The following PLEKHA6 variants were observed in gnomAD, a reference collection of about 807,000 sequenced individuals.
PLEKHA6 encodes pleckstrin homology domain-containing family A member 6.
PLEKHA6 carries 60 observed loss-of-function variants against 116.7 expected under a neutral mutation model. That is an observed-to-expected ratio of 0.51 (90% CI 0.42 to 0.64). The LOEUF is 0.64. Among genes scored for constraint, PLEKHA6 ranks in the 30% least tolerant of loss-of-function variants. The pLI is 0.00. For missense variants in PLEKHA6, 1,338 were observed against 1,422.7 expected, an observed-to-expected ratio of 0.94 and a Z score of 0.96; for synonymous variants, 489 against 556.1, an observed-to-expected ratio of 0.88 and a Z score of 1.70.
rs1393739565 is a variant in PLEKHA6, at chr1:204,219,877, G to A, written c.*2911C>T. ...AGGTTGAGATGCCACCTTGTCTGTA[G>A]GACCCTCCTTGGCCCAGAGGCTGAT... On this transcript the variant is annotated 3_prime_UTR_variant, in exon 23 of 23. Coordinates refer to ENST00000272203, the MANE Select transcript of PLEKHA6 (RefSeq NM_014935.5). 6.6e-6 allele frequency: 1 copy of A among 152,260 alleles called. No homozygotes were observed. The highest frequency in any genetic ancestry group is 1.5e-5 in the Non-Finnish European group (1 of 68,094). 9.4% of individuals were successfully genotyped at this position (152,260 alleles called of 1,614,324 possible). A position where few individuals can be genotyped will look rare whatever the true frequency, so the allele number is the denominator to read the frequency against.
At chr1:204,318,469 G>A (rs951237734) in intron 1 of PLEKHA6, among the ~76,000 whole-genome samples, 16 of 152,314 alleles carry the variant, frequency 1.1e-4, no homozygotes, top group Admixed American at 5.9e-4. Flanking sequence ...GGACTACAGC[G>A]TCTGTTTCAC....
chr1:204,343,856 C>T lies in PLEKHA6; in HGVS notation c.-95+15838G>A, dbSNP rs541360309. Among the ~76,000 whole-genome samples, 84 of 152,290 alleles carry T rather than the reference C, an allele frequency of 5.5e-4. 1 individual carries two copies. In the South Asian group the frequency reaches 0.016, roughly 29 times the overall value. On this transcript the variant is annotated intron_variant, in intron 1 of 22. Coordinates refer to ENST00000272203, the MANE Select transcript of PLEKHA6 (RefSeq NM_014935.5). ...TCAAGGCTGAGATTCTCAGTCCCTCCCCTATCCTGGTCATTCCATCTGGAA... is the reference window on the plus strand; with the variant it reads ...TCAAGGCTGAGATTCTCAGTCCCTCTCCTATCCTGGTCATTCCATCTGGAA...
chr1:204,340,572 C>T (rs1334621483), intron 1 of PLEKHA6, among the ~76,000 whole-genome samples: 3 of 152,192 alleles, frequency 2.0e-5, no homozygotes, highest in Non-Finnish European at 4.4e-5. Flanking sequence ...AAGGTAGAAG[C>T]TGGTCTTGCC....
In PLEKHA6 at chr1:204,261,281, C is replaced by T; in HGVS notation, c.524+25G>A. ...TCCCCTCTTTATTCTTCCTGCACCC[C>T]CACACTCAATTCCCTGGCACTCACC... On this transcript the variant is annotated intron_variant, in intron 7 of 22. Coordinates refer to ENST00000272203, the MANE Select transcript of PLEKHA6 (RefSeq NM_014935.5). This position sits in a 1 kb window ranked among gnomAD's most constrained non-coding sequence, Gnocchi z 4.0. 6.2e-7 allele frequency: 1 copy of T among 1,613,912 alleles called. No individual in the cohort carries two copies. The highest frequency in any genetic ancestry group is 8.5e-7 in the Non-Finnish European group (1 of 1,179,772).
intron 21 of PLEKHA6, among the ~76,000 whole-genome samples, chr1:204,227,429 C>A (rs1432597058): frequency 6.6e-6 from 1 of 152,222 alleles, no homozygotes; most frequent in Non-Finnish European, 1.5e-5. Context: ...ACTACATTTT[C>A]ATCTATTCTG....
intron 21 of PLEKHA6, among the ~76,000 whole-genome samples, chr1:204,224,185 C>T (rs933736242): frequency 2.0e-5 from 3 of 152,252 alleles, no homozygotes; most frequent in East Asian, 1.9e-4. Context: ...AGGCAAACTT[C>T]GGTCCACCCC....
At chr1:204,328,045 ATTTT>A (rs1672305298) in intron 1 of PLEKHA6, among the ~76,000 whole-genome samples, 1 of 125,650 alleles carries the variant, frequency 8.0e-6, no homozygotes, top group Admixed American at 8.6e-5. Context: ...GCTTTTATTT[ATTTT>A]ATTTATTTAT....
At chr1:204,362,577 A>T (rs1673581294), upstream of PLEKHA6, among the ~76,000 whole-genome samples, 1 of 152,190 alleles carries the variant, frequency 6.6e-6, no homozygotes, top group Non-Finnish European at 1.5e-5. Context: ...GAACATGCCA[A>T]CTAGGGGCAG....
chr1:204,263,003 G>A (rs952613756), intron 6 of PLEKHA6, among the ~76,000 whole-genome samples: 5 of 152,202 alleles, frequency 3.3e-5, no homozygotes, highest in African/African-American at 1.2e-4. Context: ...GGCAGCAAAT[G>A]AATTCATCAA....
Position 204,223,494 on chromosome 1 carries a change from G to A in PLEKHA6, c.3123C>T (p.Asp1041=). 1 of 1,548,822 alleles carries A rather than the reference G, an allele frequency of 6.5e-7. No individual in the cohort carries two copies. The highest frequency in any genetic ancestry group is 8.7e-7 in the Non-Finnish European group (1 of 1,144,448). The change falls in exon 22 of 23, where the codon GAC becomes GAT. Residue 1041 remains aspartate (D), a synonymous_variant. Transcript: ENST00000272203. The surrounding 1 kb of genome is among the most constrained non-coding windows in gnomAD (Gnocchi z 4.8). ...CTCAGACCCGCATGGTATAGCTGCT[G>A]TCGGCGCCCCGTGGGGATTCAGACG... is the stretch of plus-strand genomic sequence containing the variant. The part of the protein sequence containing the change: ...PLSSESPRGA[D]SSYTMRV
rs1008600808 is a variant in PLEKHA6, at chr1:204,257,288, G to A, written c.1524+65C>T. ...GCTCCCACATCTCTGCCTTTTCTCA[G>A]TAGATGGTCTTAGGCTTCTGGGGAC... is the stretch of plus-strand genomic sequence containing the variant. On this transcript the variant is annotated intron_variant, in intron 9 of 22. Transcript: ENST00000272203. The surrounding 1 kb of genome is among the most constrained non-coding windows in gnomAD (Gnocchi z 6.5). 3 of 1,451,084 alleles carry A rather than the reference G, an allele frequency of 2.1e-6. No individual in the cohort carries two copies. The highest frequency in any genetic ancestry group is 2.5e-5 in the South Asian group (2 of 80,994). 89.9% of individuals were successfully genotyped at this position (1,451,084 alleles called of 1,614,324 possible). A position where few individuals can be genotyped will look rare whatever the true frequency, so the allele number is the denominator to read the frequency against.
chr1:204,261,898 C>G lies in PLEKHA6; in HGVS notation c.382-450G>C. On this transcript the variant is annotated intron_variant, in intron 6 of 22. Coordinates refer to ENST00000272203, the MANE Select transcript of PLEKHA6 (RefSeq NM_014935.5). The surrounding 1 kb of genome is among the most constrained non-coding windows in gnomAD (Gnocchi z 4.0). The stretch of plus-strand genomic sequence containing the variant: ...GCACTGTCTCTTCCACGTGGAGAGA[C>G]AGCCAAGCCCCTCTCTGCAGGCATG... 1 of 216,834 alleles carries G rather than the reference C, an allele frequency of 4.6e-6. No individual in the cohort carries two copies. Among genetic ancestry groups the G allele is most frequent in the Non-Finnish European group, 9.1e-6 (1 of 110,068 alleles). The allele number at this position is 216,834 out of a possible 1,614,324, so 13.4% of individuals were successfully genotyped here.
chr1:204,287,253 T>C (rs1327901964), intron 1 of PLEKHA6, among the ~76,000 whole-genome samples: 1 of 148,984 alleles, frequency 6.7e-6, no homozygotes, highest in Non-Finnish European at 1.5e-5. Context: ...TTTTTTTAAA[T>C]CACGTGGGCA....
At chr1:204,306,999 T>G (rs533000931) in intron 1 of PLEKHA6, among the ~76,000 whole-genome samples, 1 of 152,190 alleles carries the variant, frequency 6.6e-6, no homozygotes, top group Non-Finnish European at 1.5e-5. Context: ...ATTAGATATT[T>G]TCTTTAACTT....
In PLEKHA6 at chr1:204,248,155, C is replaced by CCTT. The variant is rs1664025072; in HGVS notation, c.1824+665_1824+666insAAG. On this transcript the variant is annotated intron_variant, in intron 12 of 22. Transcript: ENST00000272203. ...GGGAAGTAGTGACCAGGGCAGCAGC[C>CCTT]TTTTTTTTTTTTTTTTTTTTGAGAT... 4.0e-4 allele frequency among the ~76,000 whole-genome samples: 38 copies of CCTT among 95,240 alleles called. 1 individual carries two copies. The South Asian group carries it at 0.013, about 33-fold the overall frequency. The allele number at this position is 95,240 out of a possible 152,430, so 62.5% of individuals were successfully genotyped here.
chr1:204,313,837 C>A (rs1304894559), intron 1 of PLEKHA6: 1 of 285,992 alleles, frequency 3.5e-6, no homozygotes, highest in African/African-American at 2.3e-5. Context: ...AGCATCTCCC[C>A]GGGGATCCTC....
intron 1 of PLEKHA6, among the ~76,000 whole-genome samples, chr1:204,339,689 G>A (rs1672778684): frequency 6.6e-6 from 1 of 152,144 alleles, no homozygotes; most frequent in South Asian, 2.1e-4. Context: ...ATTCATAATA[G>A]CAACAAATTG....
chr1:204,344,807 T>G (rs995829841), intron 1 of PLEKHA6, among the ~76,000 whole-genome samples: 4 of 152,070 alleles, frequency 2.6e-5, no homozygotes, highest in African/African-American at 9.7e-5. Flanking sequence ...TCCAGCCCCA[T>G]CCTGCCAATC....
intron 1 of PLEKHA6, chr1:204,275,654 T>C (rs1572022684): frequency 2.1e-6 from 2 of 963,908 alleles, no homozygotes; most frequent in East Asian, 2.3e-4. Flanking sequence ...CCCAGGAGGC[T>C]CTCAGGGGAG....
Sources: allele counts gnomAD v4.1 joint callset (sites outside exome capture counted in the v4.1 genomes callset), GRCh38; gene constraint gnomAD v4.1.1; non-coding constraint Gnocchi (gnomAD v3.1); transcripts MANE v1.5; gene names NCBI Gene and HGNC (gene_info 2026-07-23, HGNC 2026-07-21).